STK33: variants seen among roughly 807,000 people sequenced by gnomAD.
STK33 encodes serine/threonine kinase 33.
STK33 carries 52 observed loss-of-function variants against 58.0 expected under a neutral mutation model. That is an observed-to-expected ratio of 0.90 (90% confidence interval 0.72 to 1.13). The LOEUF is 1.13. Among genes scored for constraint, STK33 ranks in the 50% most tolerant of loss-of-function variants. The pLI is 0.00. For synonymous variants in STK33, 215 were observed against 200.1 expected, an observed-to-expected ratio of 1.07 and a Z score of -0.63; for missense variants, 630 against 604.2, an observed-to-expected ratio of 1.04 and a Z score of -0.45.
the STK33 span, among the ~76,000 whole-genome samples, chr11:8,379,817 C>T: frequency 6.6e-6 from 1 of 152,042 alleles, no homozygotes. Flanking sequence ...TGTGGTTCCC[C>T]TCTTTGTGCT....
Position 8,457,486 on chromosome 11 carries a change from T to TTA in STK33, c.559-9_559-8dup. 1.3e-6 allele frequency: 2 copies of TTA among 1,586,140 alleles called. No homozygotes were observed. Among genetic ancestry groups the TTA allele is most frequent in the Non-Finnish European group, 1.7e-6 (2 of 1,160,688 alleles). On this transcript the variant is annotated splice_region_variant and splice_polypyrimidine_tract_variant and intron_variant, in intron 8 of 15. Transcript: ENST00000687296. The stretch of plus-strand genomic sequence containing the variant: ...CCATCACAAGGTACATTTTCTGACA[T>TTA]TATATATATAAAAGAGAGAGAGAGC...
chr11:8,490,422 G>GA (rs1471019449), intron 1 of STK33, among the ~76,000 whole-genome samples: 1 of 150,078 alleles, frequency 6.7e-6, no homozygotes, highest in Non-Finnish European at 1.5e-5. Flanking sequence ...AGGGAAGCTT[G>GA]AACTGGGCAG....
In STK33 at chr11:8,524,279, C is replaced by G. The variant is rs140570671; in HGVS notation, c.-465-43665G>C. 6.1e-3 allele frequency among the ~76,000 whole-genome samples: 934 copies of G among 152,120 alleles called. 7 individuals carry two copies. Among genetic ancestry groups the G allele is most frequent in the African/African-American group, 0.021 (852 of 41,504 alleles). On this transcript the variant is annotated intron_variant, in intron 1 of 15. Coordinates refer to ENST00000687296, the MANE Select transcript of STK33 (RefSeq NM_001352389.2). Reference sequence around the variant, plus strand: ...CTATTGTCCTATGACCCTGCCAAATCCCCCTCTCCGAGAAACACCCAAGAA... The same window carrying G: ...CTATTGTCCTATGACCCTGCCAAATGCCCCTCTCCGAGAAACACCCAAGAA...
intron 14 of STK33, among the ~76,000 whole-genome samples, chr11:8,413,949 G>A (rs1026651039): frequency 4.6e-5 from 7 of 152,114 alleles, no homozygotes; most frequent in Non-Finnish European, 1.0e-4. Flanking sequence ...GAACAATGCA[G>A]CATGCTTGTG....
chr11:8,447,493 A>G (rs1030371404), intron 11 of STK33, among the ~76,000 whole-genome samples: 2 of 152,250 alleles, frequency 1.3e-5, no homozygotes, highest in African/African-American at 4.8e-5. Flanking sequence ...TACGCAAATC[A>G]ATAAATGTAA....
At chr11:8,494,673 T>A (rs1328908374) in intron 1 of STK33, among the ~76,000 whole-genome samples, 1 of 152,174 alleles carries the variant, frequency 6.6e-6, no homozygotes, top group East Asian at 1.9e-4. Flanking sequence ...GCTGGAGGCA[T>A]CACACTACCT....
chr11:8,336,001 A>G, the STK33 span, among the ~76,000 whole-genome samples: 2 of 152,208 alleles, frequency 1.3e-5, no homozygotes, highest in African/African-American at 4.8e-5. Flanking sequence ...GCTCATGGCC[A>G]AATGCAAACC....
chr11:8,567,520 G>C (rs550240569), intron 1 of STK33, among the ~76,000 whole-genome samples: 3 of 152,286 alleles, frequency 2.0e-5, no homozygotes, highest in African/African-American at 7.2e-5. Context: ...CATTTCTTTA[G>C]GGATTGGCTA....
intron 1 of STK33, among the ~76,000 whole-genome samples, chr11:8,550,855 C>T (rs1956253620): frequency 6.6e-6 from 1 of 152,192 alleles, no homozygotes; most frequent in East Asian, 1.9e-4. Context: ...ACTGTTGCAA[C>T]CCCTGCCTAT....
intron 1 of STK33, among the ~76,000 whole-genome samples, chr11:8,536,972 A>ATTTTTTTTTT (rs1232336873): frequency 1.1e-4 from 7 of 65,736 alleles, no homozygotes; most frequent in Non-Finnish European, 9.9e-5. Context: ...AAAAAAAAAG[A>ATTTTTTTTTT]TTTTTTTTTT....
At chr11:8,430,846 A>G (rs1316532129) in intron 14 of STK33, among the ~76,000 whole-genome samples, 1 of 150,958 alleles carries the variant, frequency 6.6e-6, no homozygotes, top group Non-Finnish European at 1.5e-5. Context: ...GTCCTGGCTC[A>G]TGAGCTTTTC....
At chr11:8,338,553 AACC>A in the STK33 span, among the ~76,000 whole-genome samples, 1 of 152,134 alleles carries the variant, frequency 6.6e-6, no homozygotes, top group Non-Finnish European at 1.5e-5. Flanking sequence ...CAGAGGGTGG[AACC>A]ACCTCTGGGG....
At chr11:8,380,397 T>C in the STK33 span, among the ~76,000 whole-genome samples, 1 of 151,922 alleles carries the variant, frequency 6.6e-6, no homozygotes, top group South Asian at 2.1e-4. Flanking sequence ...TCGTCTCTAC[T>C]AAAAATACAA....
the STK33 span, among the ~76,000 whole-genome samples, chr11:8,363,374 T>C: frequency 6.6e-6 from 1 of 152,292 alleles, no homozygotes; most frequent in African/African-American, 2.4e-5. Flanking sequence ...AAAATAAATT[T>C]ACATATGCCT....
intron 1 of STK33, among the ~76,000 whole-genome samples, chr11:8,521,923 T>C (rs1007783114): frequency 3.3e-5 from 5 of 152,020 alleles, no homozygotes; most frequent in Middle Eastern, 3.2e-3. Context: ...AAAACCACAA[T>C]GAGATACCAT....
chr11:8,560,604 G>A (rs906408505), intron 1 of STK33, among the ~76,000 whole-genome samples: 2 of 152,080 alleles, frequency 1.3e-5, no homozygotes, highest in Non-Finnish European at 2.9e-5. Context: ...TGGTCACTAG[G>A]TTGAGAGTTA....
intron 15 of STK33, among the ~76,000 whole-genome samples, chr11:8,394,721 T>A (rs1266577953): frequency 6.6e-6 from 1 of 152,190 alleles, no homozygotes; most frequent in African/African-American, 2.4e-5. Flanking sequence ...TTGGATACAA[T>A]ATCTTGAGAT....
intron 1 of STK33, among the ~76,000 whole-genome samples, chr11:8,592,105 C>T (rs572215206): frequency 6.6e-6 from 1 of 152,098 alleles, no homozygotes; most frequent in Non-Finnish European, 1.5e-5. Context: ...GAAAAACAAG[C>T]AATCAGCCCA....
At chr11:8,507,477 G>T (rs1951948053) in intron 1 of STK33, among the ~76,000 whole-genome samples, 1 of 152,154 alleles carries the variant, frequency 6.6e-6, no homozygotes, top group Admixed American at 6.5e-5. Context: ...CATTGTAAGG[G>T]GGTATGAGAC....
Sources: gnomAD v4.1 joint callset for allele counts (sites outside exome capture counted in the v4.1 genomes callset) on GRCh38, gnomAD v4.1.1 for gene constraint, MANE v1.5 for transcripts, NCBI Gene and HGNC (gene_info 2026-07-23, HGNC 2026-07-21) for gene names.